The following BARD1 variants were observed in gnomAD, a reference collection of about 807,000 sequenced individuals.
BARD1 encodes the protein BRCA1-associated RING domain protein 1.
In BARD1, 73 loss-of-function variants were observed where a neutral mutation model predicts 77.0. The observed-to-expected ratio is 0.95, with a 90% CI of 0.79 to 1.15. BARD1 has a LOEUF of 1.15. Ranked by LOEUF, BARD1 falls within the 50% of genes most tolerant of loss-of-function variation. The pLI, the probability that BARD1 is intolerant of heterozygous loss-of-function variation, is 0.00. For synonymous variants in BARD1, 384 were observed against 338.0 expected (o/e 1.14, Z -1.49); for missense variants, 993 against 938.8 (o/e 1.06, Z -0.75).
Position 214,726,577 on chromosome 2 carries a change from T to C in BARD1, c.*2099A>G, listed in dbSNP as rs886079113. ...TAATAGACTTCCTCACCAAGTCATG[T>C]TGAGCCTCATTCAACAGCACAGAAT... On this transcript the variant is annotated 3_prime_UTR_variant, in exon 11 of 11. Coordinates refer to ENST00000260947, the MANE Select transcript of BARD1 (RefSeq NM_000465.4). 5.2e-5 allele frequency: 12 copies of C among 229,416 alleles called. No individual in the cohort carries two copies. The highest frequency in any genetic ancestry group is 9.5e-5 in the Non-Finnish European group (11 of 115,740). The allele number at this position is 229,416 out of a possible 1,614,324, so 14.2% of individuals were successfully genotyped here. A position where few individuals can be genotyped will look rare whatever the true frequency, so the allele number is the denominator to read the frequency against.
At chr2:214,732,483 C>G (rs992197713) in intron 9 of BARD1, among the ~76,000 whole-genome samples, 15 of 151,932 alleles carry the variant, frequency 9.9e-5, no homozygotes, top group Admixed American at 7.2e-4. Context: ...GCAAGCTCCG[C>G]CTCCTGGGTT....
chr2:214,763,752 C>A (rs371541516), intron 6 of BARD1, among the ~76,000 whole-genome samples: 1 of 152,040 alleles, frequency 6.6e-6, no homozygotes, highest in East Asian at 1.9e-4. Flanking sequence ...AACTCAGATT[C>A]CAGAATTTGA....
chr2:214,808,205 G>C (rs989767730), intron 1 of BARD1, among the ~76,000 whole-genome samples: 3 of 152,066 alleles, frequency 2.0e-5, no homozygotes, highest in African/African-American at 4.8e-5. Flanking sequence ...GTCAGGAGAC[G>C]GAGACCATCC....
intron 7 of BARD1, among the ~76,000 whole-genome samples, chr2:214,746,769 CAA>C (rs1198068123): frequency 7.2e-5 from 11 of 152,072 alleles, no homozygotes; most frequent in African/African-American, 2.7e-4. Context: ...AAAACGTAGG[CAA>C]TACCATTCAG....
chr2:214,748,718 C>T (rs1446365), intron 7 of BARD1, among the ~76,000 whole-genome samples: 16 of 151,562 alleles, frequency 1.1e-4, no homozygotes, highest in Admixed American at 8.5e-4. Context: ...AATTCAAACC[C>T]CTTCCTTTAG....
At chr2:214,750,843 C>A (rs1165082418) in intron 7 of BARD1, among the ~76,000 whole-genome samples, 1 of 151,982 alleles carries the variant, frequency 6.6e-6, no homozygotes, top group Non-Finnish European at 1.5e-5. Context: ...ATCCCCCAAA[C>A]TGAGGATGGC....
At chr2:214,765,723 T>C (rs1432973520) in intron 6 of BARD1, among the ~76,000 whole-genome samples, 3 of 152,068 alleles carry the variant, frequency 2.0e-5, no homozygotes, top group Non-Finnish European at 2.9e-5. Context: ...TCCATGTATA[T>C]GGAGACACAC....
At chr2:214,802,965 T>C (rs1189358883) in intron 1 of BARD1, among the ~76,000 whole-genome samples, 1 of 152,176 alleles carries the variant, frequency 6.6e-6, no homozygotes, top group African/African-American at 2.4e-5. Flanking sequence ...AGACTCCATT[T>C]TATTCTGTAC....
intron 9 of BARD1, among the ~76,000 whole-genome samples, chr2:214,735,488 A>C (rs1692531910): frequency 6.6e-6 from 1 of 152,176 alleles, no homozygotes; most frequent in South Asian, 2.1e-4. Context: ...TTTAGCAAGT[A>C]AGAAAACTCA....
chr2:214,786,438 C>G (rs1695281244), intron 3 of BARD1, among the ~76,000 whole-genome samples: 1 of 151,974 alleles, frequency 6.6e-6, no homozygotes, highest in Non-Finnish European at 1.5e-5. Flanking sequence ...ATGATCATCT[C>G]AATTCTTTCA....
At chr2:214,771,725 C>A (rs1376640199) in intron 4 of BARD1, among the ~76,000 whole-genome samples, 1 of 146,780 alleles carries the variant, frequency 6.8e-6, no homozygotes, top group East Asian at 1.9e-4. Flanking sequence ...GAGACTCTAC[C>A]TCAGAAAAAA....
In BARD1 at chr2:214,725,990, A is replaced by T; in HGVS notation, c.*2686T>A. ...GAAACATCAAACCTCCCCAAATATC[A>T]TCCTCTAGGCAGAGGTCACTTAACT... On this transcript the variant is annotated 3_prime_UTR_variant, in exon 11 of 11. Transcript: ENST00000260947. 1 of 222,334 alleles carries T rather than the reference A, an allele frequency of 4.5e-6. No homozygotes were observed. The highest frequency in any genetic ancestry group is 9.0e-6 in the Non-Finnish European group (1 of 111,386). 13.8% of individuals were successfully genotyped at this position (222,334 alleles called of 1,614,324 possible).
chr2:214,729,667 G>A (rs750371915), intron 10 of BARD1, among the ~76,000 whole-genome samples: 1 of 152,104 alleles, frequency 6.6e-6, no homozygotes, highest in Non-Finnish European at 1.5e-5. Flanking sequence ...TTTTCATCAG[G>A]ATGTTTATGC....
rs1474711259 is a variant in BARD1, at chr2:214,797,056, C to T, written c.215+5G>A. On this transcript the variant is annotated splice_donor_5th_base_variant and intron_variant, in intron 2 of 10. Coordinates refer to ENST00000260947, the MANE Select transcript of BARD1 (RefSeq NM_000465.4). ...TACTATATACATCAAACCGTAATTACTTACCTACAGAAGATGTGCTCACAT... is the reference window on the plus strand; with the variant it reads ...TACTATATACATCAAACCGTAATTATTTACCTACAGAAGATGTGCTCACAT... 1 of 1,606,688 alleles carries T rather than the reference C, an allele frequency of 6.2e-7. No homozygotes were observed. Among genetic ancestry groups the T allele is most frequent in the Non-Finnish European group, 8.5e-7 (1 of 1,173,540 alleles).
In BARD1 at chr2:214,809,550, G is replaced by C. The variant is rs1696475875; in HGVS notation, c.20C>G (p.Pro7Arg). MPDNRQ[P>R]RNRQPRIRSG... ...GCGGATCCTCGGCTGCCGGTTCCTCGGCTGCCGATTATCCGGCATCGTCCC... is the reference window on the plus strand; with the variant it reads ...GCGGATCCTCGGCTGCCGGTTCCTCCGCTGCCGATTATCCGGCATCGTCCC... Residue 7 changes from proline (P) to arginine (R), a missense_variant, in exon 1 of 11, where the codon CCG becomes CGG. By Grantham distance (103) the Pro-to-Arg change is moderately radical (BLOSUM62 -2). Transcript: ENST00000260947. 6.4e-7 allele frequency: 1 copy of C among 1,567,522 alleles called. No individual in the cohort carries two copies. Among genetic ancestry groups the C allele is most frequent in the Non-Finnish European group, 8.6e-7 (1 of 1,159,146 alleles).
intron 9 of BARD1, among the ~76,000 whole-genome samples, chr2:214,734,305 G>A (rs369096145): frequency 1.3e-5 from 2 of 151,926 alleles, no homozygotes; most frequent in Admixed American, 6.6e-5. Context: ...AAACAAATAC[G>A]AAATCACAAT....
chr2:214,806,404 C>T (rs747976215), intron 1 of BARD1, among the ~76,000 whole-genome samples: 16 of 152,118 alleles, frequency 1.1e-4, no homozygotes, highest in Admixed American at 2.6e-4. Context: ...AGAAGCAGAC[C>T]ATTCTGAGTT....
At chr2:214,807,967 A>G (rs1289658787) in intron 1 of BARD1, among the ~76,000 whole-genome samples, 2 of 152,180 alleles carry the variant, frequency 1.3e-5, no homozygotes, top group South Asian at 2.1e-4. Context: ...ACAGGAAAAC[A>G]AACACACAAC....
At chr2:214,771,148 T>C (rs775040587) in intron 4 of BARD1, among the ~76,000 whole-genome samples, 11 of 152,166 alleles carry the variant, frequency 7.2e-5, no homozygotes, top group Non-Finnish European at 1.3e-4. Context: ...AACTAATCAG[T>C]TCTTTTAGGA....
Sources: gnomAD v4.1 joint callset for allele counts (sites outside exome capture counted in the v4.1 genomes callset) on GRCh38, gnomAD v4.1.1 for gene constraint, MANE v1.5 for transcripts, NCBI Gene and HGNC (gene_info 2026-07-23, HGNC 2026-07-21) for gene names.